The following FBP1 variants were observed in gnomAD, a reference collection of about 807,000 sequenced individuals.
The protein encoded by FBP1 is fructose-bisphosphatase 1.
Under a neutral mutation model 29.9 loss-of-function variants are expected in FBP1, and 22 were observed. That is an observed-to-expected ratio of 0.74 (90% CI 0.53 to 1.05). The LOEUF is 1.05. FBP1 is among the 50% of genes least tolerant of loss of function. FBP1 has a pLI of 0.00. For synonymous variants in FBP1, 175 were observed against 178.6 expected (o/e 0.98, Z 0.16); for missense variants, 345 against 448.2 (o/e 0.77, Z 2.08).
At chr9:94,638,026 C>T (rs1389806725) in intron 1 of FBP1, among the ~76,000 whole-genome samples, 4 of 147,232 alleles carry the variant, frequency 2.7e-5, no homozygotes, top group African/African-American at 1.0e-4. Flanking sequence ...GCAGAGGTTG[C>T]GGTGAGCCAA....
intron 1 of FBP1, among the ~76,000 whole-genome samples, chr9:94,631,439 T>G (rs2131501172): frequency 6.6e-6 from 1 of 152,356 alleles, no homozygotes; most frequent in African/African-American, 2.4e-5. Context: ...GTTTTCCAAG[T>G]TTACAAATGG....
At chr9:94,628,394 A>AT (rs1554681953) in intron 1 of FBP1, among the ~76,000 whole-genome samples, 1 of 151,570 alleles carries the variant, frequency 6.6e-6, no homozygotes, top group African/African-American at 2.4e-5. Context: ...AAAAAAAAAA[A>AT]AAATTTATCA....
intron 1 of FBP1, among the ~76,000 whole-genome samples, chr9:94,622,960 G>A (rs1827969528): frequency 6.8e-6 from 1 of 146,714 alleles, no homozygotes; most frequent in Non-Finnish European, 1.5e-5. Context: ...CACTGTCAAA[G>A]TCACTTTATG....
At position 94,609,929 on chromosome 9, in the gene FBP1, G is replaced by C; in HGVS notation, c.559C>G (p.Leu187Val). The change falls in exon 4 of 7, where the codon CTG becomes GTG. Residue 187 changes from leucine to valine, a missense_variant. Leu to Val is a conservative substitution (Grantham distance 32). Coordinates refer to ENST00000375326, the MANE Select transcript of FBP1 (RefSeq NM_000507.4). Reference protein sequence around the residue: ...AMDCGVNCFMLDPAIGEFILV... With the variant: ...AMDCGVNCFMVDPAIGEFILV... ...CCTGTGAGGTCTCTCACCGGGTCCA[G>C]CATGAAGCAGTTGACCCCACAGTCC... is the stretch of plus-strand genomic sequence containing the variant. 3.1e-6 allele frequency: 5 copies of C among 1,614,122 alleles called. No homozygotes were observed. Among genetic ancestry groups the C allele is most frequent in the Non-Finnish European group, 4.2e-6 (5 of 1,180,020 alleles).
rs1480502775 is a variant in FBP1, at chr9:94,634,293, C to CAAA, written c.170+4845_170+4847dup. Among the ~76,000 whole-genome samples, 274 of 89,884 alleles carry CAAA rather than the reference C, an allele frequency of 3.0e-3. 5 individuals carry two copies. Among genetic ancestry groups the CAAA allele is most frequent in the African/African-American group, 0.011 (264 of 24,046 alleles). The allele number at this position is 89,884 out of a possible 152,430, so 59.0% of individuals were successfully genotyped here. On this transcript the variant is annotated intron_variant, in intron 1 of 6. Coordinates refer to ENST00000375326, the MANE Select transcript of FBP1 (RefSeq NM_000507.4). ...AGGGCAACAGAGCGAGACTCTGCCT[C>CAAA]AAAAAAAAAAAAAAGAAAGAAAAAG...
rs560514565 is a variant in FBP1 at position 94,604,486 on chromosome 9, T to TATAAA, written c.826-915_826-914insTTTAT. On this transcript the variant is annotated intron_variant, in intron 6 of 6. Transcript: ENST00000375326. ...TGTTGTTCCTGTTCTCCTCTTGCAT[T>TATAAA]AAAAAAAAAAAAGGCAGCCACGCGT... Among the ~76,000 whole-genome samples the TATAAA allele has an allele frequency of 2.6e-4, 37 of 143,494 alleles. 1 individual carries two copies. The Middle Eastern group carries it at 0.014, about 56-fold the overall frequency. 94.1% of individuals were successfully genotyped at this position (143,494 alleles called of 152,430 possible).
At chr9:94,610,151 T>G in intron 3 of FBP1, 90 bp from the exon 4 acceptor site, 1 of 1,346,594 alleles carries the variant, frequency 7.4e-7, no homozygotes, top group Non-Finnish European at 1.0e-6. Flanking sequence ...ATTCTCAAGG[T>G]GCTCTTCTAA....
Position 94,615,064 on chromosome 9 carries a change from A to G in FBP1, c.426+2704T>C, listed in dbSNP as rs60922816. Among the ~76,000 whole-genome samples, 991 of 152,126 alleles carry G rather than the reference A, an allele frequency of 6.5e-3. 14 individuals carry two copies. Among genetic ancestry groups the G allele is most frequent in the African/African-American group, 0.023 (949 of 41,514 alleles). ...GCTGGGACTACAGGGGCCTGCCACC[A>G]CACCCGGCTGATTTTTTGTATTTTT... On this transcript the variant is annotated intron_variant, in intron 3 of 6. Transcript: ENST00000375326.
At chr9:94,636,095 C>T (rs1828187119) in intron 1 of FBP1, among the ~76,000 whole-genome samples, 1 of 152,008 alleles carries the variant, frequency 6.6e-6, no homozygotes, top group African/African-American at 2.4e-5. Flanking sequence ...TTCACTCTTC[C>T]CTTGAATTCT....
At chr9:94,635,702 C>CTGACCTGGCACTGTTGGGG (rs1251001984) in intron 1 of FBP1, among the ~76,000 whole-genome samples, 1 of 152,336 alleles carries the variant, frequency 6.6e-6, no homozygotes, top group East Asian at 1.9e-4. Context: ...TGTCCAGCAT[C>CTGACCTGGCACTGTTGGGG]TAGTCCTGTC....
chr9:94,605,088 T>C (rs1397583498), intron 6 of FBP1, among the ~76,000 whole-genome samples: 3 of 152,210 alleles, frequency 2.0e-5, no homozygotes, highest in African/African-American at 4.8e-5. Flanking sequence ...AGAAGACTTC[T>C]ACTGAGGATA....
At chr9:94,611,384 T>C (rs1363524800) in intron 3 of FBP1, among the ~76,000 whole-genome samples, 1 of 152,156 alleles carries the variant, frequency 6.6e-6, no homozygotes, top group Non-Finnish European at 1.5e-5. Context: ...ACATTCCAGG[T>C]AATTTCTTCC....
intron 2 of FBP1, among the ~76,000 whole-genome samples, chr9:94,618,463 A>T (rs1442676121): frequency 3.4e-5 from 2 of 57,984 alleles, no homozygotes; most frequent in Non-Finnish European, 3.5e-5. Context: ...TGTAAAAAAA[A>T]AAAAAAAAAA....
chr9:94,637,754 C>A (rs1206850025), intron 1 of FBP1, among the ~76,000 whole-genome samples: 1 of 152,018 alleles, frequency 6.6e-6, no homozygotes, highest in African/African-American at 2.4e-5. Flanking sequence ...TATGGACAAT[C>A]TGAAAACCCA....
chr9:94,603,482 C>T lies in FBP1; in HGVS notation c.916G>A (p.Val306Ile), dbSNP rs865779742. 29 of 1,613,946 alleles carry T rather than the reference C, an allele frequency of 1.8e-5. No individual in the cohort carries two copies. The highest frequency in any genetic ancestry group is 1.6e-4 in the Middle Eastern group (1 of 6,082). Residue 306 changes from valine to isoleucine, a missense_variant, in exon 7 of 7, where the codon GTC becomes ATC. Val to Ile is a conservative substitution (Grantham distance 29). Coordinates refer to ENST00000375326, the MANE Select transcript of FBP1 (RefSeq NM_000507.4). ...CTCTGGTGAATGTCTGTGGGAATGA[C>T]GTCTAACACGGCCTCCTTCCCAGTG... The part of the protein sequence containing the change: ...ATTGKEAVLD[V>I]IPTDIHQRAP...
intron 1 of FBP1, among the ~76,000 whole-genome samples, chr9:94,623,145 C>G (rs1827972481): frequency 6.6e-6 from 1 of 152,044 alleles, no homozygotes; most frequent in South Asian, 2.1e-4. Context: ...CCACCACATC[C>G]AGCTAATTTT....
chr9:94,604,746 T>G (rs1827671639), intron 6 of FBP1, among the ~76,000 whole-genome samples: 1 of 152,184 alleles, frequency 6.6e-6, no homozygotes, highest in Non-Finnish European at 1.5e-5. Context: ...ATCGCGCCAC[T>G]GCACTCCAGC....
intron 3 of FBP1, among the ~76,000 whole-genome samples, chr9:94,613,764 C>CA (rs35925714): frequency 0.27 from 36,876 of 134,672 alleles, 5,846 homozygotes; most frequent in East Asian, 0.56. Context: ...GACCTTGTCT[C>CA]AAAAAAAAGA....
chr9:94,620,224 AG>A (rs1254202487), intron 2 of FBP1, 104 bp downstream of exon 2: 2 of 1,148,190 alleles, frequency 1.7e-6, no homozygotes, highest in Non-Finnish European at 2.6e-6. Flanking sequence ...AGGGATCTAG[AG>A]GGACTCCCAG....
Sources: allele counts gnomAD v4.1 joint callset (sites outside exome capture counted in the v4.1 genomes callset), GRCh38; gene constraint gnomAD v4.1.1; transcripts MANE v1.5; gene names NCBI Gene and HGNC (gene_info 2026-07-23, HGNC 2026-07-21).